The following TMEM163 variants were observed in gnomAD, a reference collection of about 807,000 sequenced individuals.
The protein encoded by TMEM163 is transmembrane protein 163.
Under a neutral mutation model 29.3 loss-of-function variants are expected in TMEM163, and 17 were observed. The observed-to-expected ratio is 0.58, with a 90% CI of 0.40 to 0.87. The LOEUF is 0.87. Among genes scored for constraint, TMEM163 ranks in the 40% least tolerant of loss-of-function variants. The probability of loss-of-function intolerance (pLI) is 0.00; values close to 1 mark genes in which losing one functional copy is unlikely to be tolerated. For synonymous variants in TMEM163, 157 were observed against 160.6 expected (o/e 0.98, Z 0.17); for missense variants, 303 against 381.5 (o/e 0.79, Z 1.71).
intron 4 of TMEM163, among the ~76,000 whole-genome samples, chr2:134,513,631 G>A (rs755965451): frequency 4.2e-4 from 64 of 152,324 alleles, no homozygotes; most frequent in Admixed American, 2.4e-3. Context: ...TTCCAGCACT[G>A]ACTCAGGCAC....
At chr2:134,517,462 T>C (rs1680098033) in intron 4 of TMEM163, among the ~76,000 whole-genome samples, 1 of 152,198 alleles carries the variant, frequency 6.6e-6, no homozygotes. Context: ...AAGCCAAATT[T>C]GAGGCTTGCC....
intron 2 of TMEM163, among the ~76,000 whole-genome samples, chr2:134,686,854 G>GC (rs1478293239): frequency 1.3e-5 from 2 of 152,164 alleles, no homozygotes; most frequent in African/African-American, 4.8e-5. Flanking sequence ...AATAGTAGTA[G>GC]CCAGAGAATC....
At chr2:134,692,466 G>T (rs1224572812) in intron 2 of TMEM163, among the ~76,000 whole-genome samples, 1 of 152,042 alleles carries the variant, frequency 6.6e-6, no homozygotes, top group Non-Finnish European at 1.5e-5. Context: ...TCCTTAGTCT[G>T]CTTGGGCTGC....
Position 134,622,354 on chromosome 2 carries a change from C to T in TMEM163, c.323-70263G>A, listed in dbSNP as rs557458765. Among the ~76,000 whole-genome samples, 23 of 152,324 alleles carry T rather than the reference C, an allele frequency of 1.5e-4. 1 individual carries two copies. The South Asian group carries it at 3.7e-3, about 25-fold the overall frequency. On this transcript the variant is annotated intron_variant, in intron 2 of 7. Transcript: ENST00000281924. ...GCTGCCCATCTCTCCATTGCCTCCA[C>T]GGCAGGGGGTCAGTGGCTTCACTTC...
At chr2:134,466,293 G>T in intron 5 of TMEM163, 68 bp from the exon 6 acceptor site, 1 of 1,311,996 alleles carries the variant, frequency 7.6e-7, no homozygotes, top group Non-Finnish European at 1.1e-6. Context: ...CAACCCACTT[G>T]CCTTACAGAT....
chr2:134,504,853 C>T (rs1249205525), intron 4 of TMEM163, among the ~76,000 whole-genome samples: 2 of 152,180 alleles, frequency 1.3e-5, no homozygotes, highest in African/African-American at 4.8e-5. Flanking sequence ...ATGATAGAGT[C>T]CTGGAGGAAT....
chr2:134,668,046 G>A (rs1342827723), intron 2 of TMEM163, among the ~76,000 whole-genome samples: 2 of 152,214 alleles, frequency 1.3e-5, no homozygotes, highest in African/African-American at 4.8e-5. Flanking sequence ...CTCGCTTTCT[G>A]CATCTGTAGA....
chr2:134,608,798 G>A, intron 2 of TMEM163, among the ~76,000 whole-genome samples: 1 of 41,350 alleles, frequency 2.4e-5, no homozygotes, highest in Non-Finnish European at 5.3e-5. Flanking sequence ...GAACTGTGCT[G>A]GTGAAAAGGA....
chr2:134,688,045 C>A (rs1012991010), intron 2 of TMEM163, among the ~76,000 whole-genome samples: 29 of 152,146 alleles, frequency 1.9e-4, no homozygotes, highest in Admixed American at 2.6e-4. Flanking sequence ...ACTCCAATAA[C>A]AAAGCCACTA....
chr2:134,701,662 C>A (rs1684706626), intron 2 of TMEM163, among the ~76,000 whole-genome samples: 1 of 152,166 alleles, frequency 6.6e-6, no homozygotes, highest in Non-Finnish European at 1.5e-5. Context: ...GTAATCCCTG[C>A]ACTTTGGGAG....
intron 5 of TMEM163, among the ~76,000 whole-genome samples, chr2:134,497,824 G>GACAGCT (rs1385678932): frequency 6.6e-6 from 1 of 152,176 alleles, no homozygotes; most frequent in Non-Finnish European, 1.5e-5. Context: ...CCCAGACAAA[G>GACAGCT]ACAGCTACAG....
chr2:134,642,747 A>C (rs1414351752), intron 2 of TMEM163, among the ~76,000 whole-genome samples: 1 of 152,140 alleles, frequency 6.6e-6, no homozygotes, highest in Non-Finnish European at 1.5e-5. Flanking sequence ...ACCAAACAAC[A>C]CAAGTATAAA....
rs568417603 is a variant in TMEM163 at position 134,594,608 on chromosome 2, C to T, written c.323-42517G>A. Among the ~76,000 whole-genome samples the T allele has an allele frequency of 9.8e-5, 15 of 152,304 alleles. No homozygotes were observed. The South Asian group carries it at 2.5e-3, about 25-fold the overall frequency. ...TCCAGTTCCCTGAGAGCCCAGGATGCGGCAGAACTGTAGATCAGGGAGGCA... is the reference window on the plus strand; with the variant it reads ...TCCAGTTCCCTGAGAGCCCAGGATGTGGCAGAACTGTAGATCAGGGAGGCA... On this transcript the variant is annotated intron_variant, in intron 2 of 7. Coordinates refer to ENST00000281924, the MANE Select transcript of TMEM163 (RefSeq NM_030923.5).
intron 2 of TMEM163, among the ~76,000 whole-genome samples, chr2:134,674,956 G>A (rs1440991499): frequency 1.3e-5 from 2 of 152,142 alleles, no homozygotes; most frequent in Non-Finnish European, 1.5e-5. Flanking sequence ...AAACCTTTGT[G>A]TTCCTTCACC....
In TMEM163 at chr2:134,533,526, G is replaced by A. The variant is rs577908808; in HGVS notation, c.458+17044C>T. Reference sequence around the variant, plus strand: ...CATTCATATTAATTGAAACATATTGGTTCTACAAATATGTGCCACTGTTAC... The same window carrying A: ...CATTCATATTAATTGAAACATATTGATTCTACAAATATGTGCCACTGTTAC... On this transcript the variant is annotated intron_variant, in intron 4 of 7. Transcript: ENST00000281924. Among the ~76,000 whole-genome samples, 140 of 152,280 alleles carry A rather than the reference G, an allele frequency of 9.2e-4. 1 individual carries two copies. The highest frequency in any genetic ancestry group is 3.3e-3 in the African/African-American group (139 of 41,536).
intron 2 of TMEM163, among the ~76,000 whole-genome samples, chr2:134,655,822 C>G (rs560510126): frequency 0.012 from 1,751 of 140,704 alleles, 160 homozygotes; most frequent in African/African-American, 0.048. Context: ...AGGTGTCAGT[C>G]TGCCCCTGCT....
intron 4 of TMEM163, among the ~76,000 whole-genome samples, chr2:134,543,302 A>G (rs1403341093): frequency 6.6e-6 from 1 of 152,186 alleles, no homozygotes; most frequent in Non-Finnish European, 1.5e-5. Flanking sequence ...AGGAGCTCCC[A>G]TCCTGCTGAA....
At chr2:134,592,725 T>C (rs1425581793) in intron 2 of TMEM163, among the ~76,000 whole-genome samples, 2 of 152,038 alleles carry the variant, frequency 1.3e-5, no homozygotes, top group African/African-American at 2.4e-5. Context: ...TTGGTTTTGG[T>C]TTATAACAGA....
At chr2:134,686,873 T>C (rs1684362435) in intron 2 of TMEM163, among the ~76,000 whole-genome samples, 1 of 152,218 alleles carries the variant, frequency 6.6e-6, no homozygotes, top group Non-Finnish European at 1.5e-5. Flanking sequence ...TCAGCATTTC[T>C]GCCTTGGTTT....
Sources: gnomAD v4.1 joint callset for allele counts (sites outside exome capture counted in the v4.1 genomes callset) on GRCh38, gnomAD v4.1.1 for gene constraint, MANE v1.5 for transcripts, NCBI Gene and HGNC (gene_info 2026-07-23, HGNC 2026-07-21) for gene names.